The following ERC1 variants were observed in gnomAD, a reference collection of about 807,000 sequenced individuals.
ERC1 encodes the protein ELKS/RAB6-interacting/CAST family member 1.
ERC1 carries 56 observed loss-of-function variants against 132.0 expected under a neutral mutation model. The ratio of observed to expected loss-of-function variants is 0.42; its 90% confidence interval spans 0.34 to 0.53. The LOEUF (loss-of-function observed/expected upper bound fraction) is 0.53. ERC1 is among the 20% of genes least tolerant of loss of function. The probability of loss-of-function intolerance (pLI) is 0.03; values close to 1 mark genes in which losing one functional copy is unlikely to be tolerated. For synonymous variants in ERC1, 478 were observed against 476.1 expected, an observed-to-expected ratio of 1.00 and a Z score of -0.05; for missense variants, 1,202 against 1,349.9, an observed-to-expected ratio of 0.89 and a Z score of 1.72.
chr12:1,085,029 G>A lies in ERC1; in HGVS notation c.1086+1449G>A, dbSNP rs1431610227. 5.2e-5 allele frequency among the ~76,000 whole-genome samples: 6 copies of A among 114,998 alleles called. 1 individual carries two copies. The highest frequency in any genetic ancestry group is 5.5e-5 in the Non-Finnish European group (3 of 54,760). 75.4% of individuals were successfully genotyped at this position (114,998 alleles called of 152,430 possible). On this transcript the variant is annotated intron_variant, in intron 3 of 18. Transcript: ENST00000360905. ...TATTATTATTGTTGTTGTTGTTGTT[G>A]AAAGTGCTGAGATTACAGGCAATAT...
chr12:1,307,082 T>C (rs1310737758), intron 15 of ERC1, among the ~76,000 whole-genome samples: 9 of 152,222 alleles, frequency 5.9e-5, no homozygotes, highest in Non-Finnish European at 1.2e-4. Context: ...CTTTGATCGC[T>C]AAGAAGATAC....
At chr12:1,209,103 G>T (rs1708448437) in intron 12 of ERC1, among the ~76,000 whole-genome samples, 1 of 151,816 alleles carries the variant, frequency 6.6e-6, no homozygotes, top group South Asian at 2.1e-4. Context: ...TGAGTAGCTG[G>T]GATTACAGGG....
At chr12:1,190,095 G>A (rs1955553221) in intron 12 of ERC1, 43 bp downstream of exon 12, 42 of 1,518,136 alleles carry the variant, frequency 2.8e-5, no homozygotes, top group Non-Finnish European at 3.8e-5. Context: ...GTTAAAGTAT[G>A]GTTTTAAAAG....
At chr12:1,472,356 T>G (rs926205688) in intron 18 of ERC1, among the ~76,000 whole-genome samples, 12 of 152,166 alleles carry the variant, frequency 7.9e-5, no homozygotes, top group Middle Eastern at 3.4e-3. Flanking sequence ...GACCTAACAT[T>G]AAAAAATCTA....
intron 13 of ERC1, among the ~76,000 whole-genome samples, chr12:1,238,757 A>G (rs1405169716): frequency 6.6e-6 from 1 of 152,156 alleles, no homozygotes; most frequent in African/African-American, 2.4e-5. Context: ...TAAACCAAAG[A>G]TACTCTTCTA....
At chr12:1,114,280 CA>C (rs879748656) in intron 6 of ERC1, among the ~76,000 whole-genome samples, 5 of 152,176 alleles carry the variant, frequency 3.3e-5, no homozygotes, top group Admixed American at 2.6e-4. Context: ...CTCGGCCTTC[CA>C]AAGTGCAATG....
chr12:1,228,460 A>G (rs2074772723), intron 12 of ERC1, among the ~76,000 whole-genome samples: 1 of 152,090 alleles, frequency 6.6e-6, no homozygotes, highest in Non-Finnish European at 1.5e-5. Flanking sequence ...AGGGTTTTCT[A>G]TGTATGAGGT....
intron 15 of ERC1, among the ~76,000 whole-genome samples, chr12:1,324,520 C>T (rs1254437825): frequency 6.6e-6 from 1 of 152,186 alleles, no homozygotes. Context: ...CCAGAGGCCT[C>T]AGTCTCAGAG....
intron 15 of ERC1, among the ~76,000 whole-genome samples, chr12:1,310,919 C>CCTT (rs2154349829): frequency 6.6e-6 from 1 of 152,344 alleles, no homozygotes; most frequent in East Asian, 1.9e-4. Context: ...ACAGGATGGA[C>CCTT]CTTCTGCATA....
At chr12:1,241,080 T>C (rs1281100155) in intron 13 of ERC1, among the ~76,000 whole-genome samples, 2 of 152,210 alleles carry the variant, frequency 1.3e-5, no homozygotes, top group Admixed American at 1.3e-4. Flanking sequence ...GCAAACTTAC[T>C]CAAAGTATAT....
At chr12:1,021,698 CAAAA>C (rs1162694084) in intron 1 of ERC1, among the ~76,000 whole-genome samples, 4 of 92,192 alleles carry the variant, frequency 4.3e-5, no homozygotes, top group Non-Finnish European at 4.6e-5. Context: ...GACTCCGTCT[CAAAA>C]AAAAAAAAAA....
chr12:1,348,301 G>A (rs2084673417), intron 15 of ERC1, among the ~76,000 whole-genome samples: 1 of 152,148 alleles, frequency 6.6e-6, no homozygotes, highest in Non-Finnish European at 1.5e-5. Context: ...ATTCATTAAA[G>A]AACTTTTGTT....
rs571415416 is a variant in ERC1 at position 1,179,743 on chromosome 12, G to A, written c.1738-797G>A. ...GGGATGGTCTTGATCTCCTGACCTC[G>A]TGATCTGCCCGCCTCGGCCTCCCAA... On this transcript the variant is annotated intron_variant, in intron 8 of 18. Coordinates refer to ENST00000360905, the MANE Select transcript of ERC1 (RefSeq NM_178040.4). Among the ~76,000 whole-genome samples, 13 of 152,202 alleles carry A rather than the reference G, an allele frequency of 8.5e-5. No homozygotes were observed. In the East Asian group the frequency reaches 9.6e-4, roughly 11 times the overall value.
rs576584235 is a variant in ERC1, at chr12:1,419,271, A to G, written c.3024+11024A>G. Among the ~76,000 whole-genome samples, 7 of 152,226 alleles carry G rather than the reference A, an allele frequency of 4.6e-5. No homozygotes were observed. In the East Asian group the frequency reaches 9.7e-4, roughly 21 times the overall value. On this transcript the variant is annotated intron_variant, in intron 17 of 18. Coordinates refer to ENST00000360905, the MANE Select transcript of ERC1 (RefSeq NM_178040.4). ...ATGTATGTATGTTGGACTAATTTGT[A>G]ACTATTCTCCTAAGTGTTGACCTTA...
intron 16 of ERC1, among the ~76,000 whole-genome samples, chr12:1,394,362 T>G (rs1019949934): frequency 6.6e-6 from 1 of 152,170 alleles, no homozygotes; most frequent in Non-Finnish European, 1.5e-5. Context: ...ATTGCGCCAC[T>G]GCACTCTAGC....
intron 7 of ERC1, among the ~76,000 whole-genome samples, chr12:1,138,202 TG>T (rs1217055031): frequency 9.6e-6 from 1 of 103,852 alleles, no homozygotes; most frequent in African/African-American, 5.2e-5. Context: ...TAATTATATA[TG>T]ATATATATTA....
chr12:1,111,291 A>G (rs559094024), intron 5 of ERC1, among the ~76,000 whole-genome samples: 3 of 152,298 alleles, frequency 2.0e-5, no homozygotes, highest in East Asian at 3.9e-4. Context: ...GTTTATCACA[A>G]TTATCAATTT....
At chr12:1,158,623 T>A (rs1353230464) in intron 8 of ERC1, among the ~76,000 whole-genome samples, 4 of 150,934 alleles carry the variant, frequency 2.7e-5, no homozygotes, top group Admixed American at 6.6e-5. Flanking sequence ...TTTTTTTTTT[T>A]TATAGTTTTA....
At chr12:1,292,817 C>T (rs2079550488) in intron 15 of ERC1, among the ~76,000 whole-genome samples, 2 of 151,726 alleles carry the variant, frequency 1.3e-5, no homozygotes, top group South Asian at 4.2e-4. Flanking sequence ...TCTAGACCAG[C>T]CTGGCCAACA....
Sources: gnomAD v4.1 joint callset for allele counts (sites outside exome capture counted in the v4.1 genomes callset) on GRCh38, gnomAD v4.1.1 for gene constraint, MANE v1.5 for transcripts, NCBI Gene and HGNC (gene_info 2026-07-23, HGNC 2026-07-21) for gene names.